EPB41L4A: variants seen among roughly 807,000 people sequenced by gnomAD.
EPB41L4A encodes erythrocyte membrane protein band 4.1 like 4A.
EPB41L4A carries 100 observed loss-of-function variants against 108.6 expected under a neutral mutation model. The ratio of observed to expected loss-of-function variants is 0.92; its 90% CI spans 0.78 to 1.09. The LOEUF (loss-of-function observed/expected upper bound fraction) is 1.09. EPB41L4A is among the 50% of genes least tolerant of loss of function. The probability of loss-of-function intolerance (pLI) is 0.00; values close to 1 mark genes in which losing one functional copy is unlikely to be tolerated. For missense variants in EPB41L4A, 1,030 were observed against 842.7 expected (o/e 1.22, Z -2.75); for synonymous variants, 319 against 289.0 (o/e 1.10, Z -1.05).
intron 2 of EPB41L4A, among the ~76,000 whole-genome samples, chr5:112,292,550 T>C (rs930341390): frequency 1.3e-5 from 2 of 152,074 alleles, no homozygotes; most frequent in Non-Finnish European, 1.5e-5. Context: ...TCCAAGAACA[T>C]CTCTCTTATT....
chr5:112,402,714 G>C (rs1443326427), intron 1 of EPB41L4A, among the ~76,000 whole-genome samples: 1 of 152,150 alleles, frequency 6.6e-6, no homozygotes, highest in African/African-American at 2.4e-5. Context: ...CAGATGGGAA[G>C]CATTTCAAAA....
At chr5:112,392,445 C>A (rs1761016569) in intron 1 of EPB41L4A, among the ~76,000 whole-genome samples, 1 of 143,372 alleles carries the variant, frequency 7.0e-6, no homozygotes, top group African/African-American at 2.6e-5. Context: ...CAATCCTAGT[C>A]TCTAATAAAA....
At chr5:112,153,780 G>C (rs1441047125) in intron 12 of EPB41L4A, among the ~76,000 whole-genome samples, 2 of 151,076 alleles carry the variant, frequency 1.3e-5, no homozygotes, top group African/African-American at 4.8e-5. Flanking sequence ...TACAAGTAGA[G>C]ACCACAGAAT....
chr5:112,265,616 ATTATT>A (rs1751792858), intron 5 of EPB41L4A, among the ~76,000 whole-genome samples: 1 of 152,180 alleles, frequency 6.6e-6, no homozygotes, highest in Non-Finnish European at 1.5e-5. Flanking sequence ...TTTCTTCTAG[ATTATT>A]TTTAGTCTGC....
At chr5:112,149,528 A>C (rs993843661) in intron 12 of EPB41L4A, among the ~76,000 whole-genome samples, 4 of 152,196 alleles carry the variant, frequency 2.6e-5, no homozygotes, top group Non-Finnish European at 4.4e-5. Flanking sequence ...TTTGGAAAGA[A>C]TTGTTACGTT....
intron 12 of EPB41L4A, among the ~76,000 whole-genome samples, chr5:112,226,165 G>A (rs968546006): frequency 6.6e-6 from 1 of 152,140 alleles, no homozygotes; most frequent in African/African-American, 2.4e-5. Context: ...CAGAGGCTGG[G>A]GAACATATAT....
rs749727476 is a variant in EPB41L4A, at chr5:112,183,997, A to AT, written c.1622+18dup. 1.2e-6 allele frequency: 2 copies of AT among 1,613,674 alleles called. No homozygotes were observed. The highest frequency in any genetic ancestry group is 3.3e-5 in the Admixed American group (2 of 59,974). ...AAATTCAGTGTTTTTGAATCAAGGT[A>AT]TAAAAAGAGTCCACATACGAACGAG... On this transcript the variant is annotated intron_variant, in intron 18 of 22. Transcript: ENST00000261486.
intron 9 of EPB41L4A, among the ~76,000 whole-genome samples, chr5:112,250,299 T>G (rs992665134): frequency 6.6e-6 from 1 of 152,168 alleles, no homozygotes; most frequent in Non-Finnish European, 1.5e-5. Context: ...AATATTTACA[T>G]CGTATTCCAG....
At chr5:112,365,571 C>A (rs116138220) in intron 1 of EPB41L4A, among the ~76,000 whole-genome samples, 1,966 of 152,270 alleles carry the variant, frequency 0.013, 38 homozygotes, top group African/African-American at 0.045. Context: ...CACCCAGCCT[C>A]CTCTATTAAT....
chr5:112,193,080 T>A (rs1030822576), intron 17 of EPB41L4A, among the ~76,000 whole-genome samples: 1 of 152,156 alleles, frequency 6.6e-6, no homozygotes, highest in African/African-American at 2.4e-5. Flanking sequence ...CACATTGAGA[T>A]CTCCCATCTG....
At chr5:112,312,896 AG>A (rs2150593843) in intron 1 of EPB41L4A, among the ~76,000 whole-genome samples, 1 of 152,350 alleles carries the variant, frequency 6.6e-6, no homozygotes, top group East Asian at 1.9e-4. Context: ...CTTTGAATAA[AG>A]AAATGAAGAA....
chr5:112,180,778 T>TG (rs1166297612), intron 18 of EPB41L4A, among the ~76,000 whole-genome samples: 3 of 152,030 alleles, frequency 2.0e-5, no homozygotes, highest in African/African-American at 7.2e-5. Context: ...AACCACAGCC[T>TG]GGGAGAAAGT....
At chr5:112,298,733 T>C (rs2150557595) in intron 2 of EPB41L4A, among the ~76,000 whole-genome samples, 1 of 152,338 alleles carries the variant, frequency 6.6e-6, no homozygotes, top group Non-Finnish European at 1.5e-5. Flanking sequence ...TATTAATTCT[T>C]CTTTGAATGT....
intron 2 of EPB41L4A, among the ~76,000 whole-genome samples, chr5:112,299,477 T>C (rs1466685496): frequency 1.3e-5 from 2 of 152,192 alleles, no homozygotes; most frequent in Non-Finnish European, 2.9e-5. Context: ...GAAAGTTCCA[T>C]GCACTGATGA....
chr5:112,211,044 A>G (rs1300325770), intron 12 of EPB41L4A, among the ~76,000 whole-genome samples: 5 of 152,134 alleles, frequency 3.3e-5, no homozygotes, highest in South Asian at 4.1e-4. Context: ...CTTCACATCT[A>G]TTTACTCATG....
chr5:112,365,782 G>C (rs994606192), intron 1 of EPB41L4A, among the ~76,000 whole-genome samples: 1 of 152,130 alleles, frequency 6.6e-6, no homozygotes, highest in Non-Finnish European at 1.5e-5. Context: ...CTTCCCTTGA[G>C]TTTGATGACC....
At chr5:112,324,996 G>A (rs1459882422) in intron 1 of EPB41L4A, among the ~76,000 whole-genome samples, 1 of 152,144 alleles carries the variant, frequency 6.6e-6, no homozygotes, top group Non-Finnish European at 1.5e-5. Context: ...CACTTAGGAA[G>A]AATCTATTCT....
intron 12 of EPB41L4A, among the ~76,000 whole-genome samples, chr5:112,226,279 G>C (rs1217016294): frequency 6.6e-6 from 1 of 152,194 alleles, no homozygotes; most frequent in African/African-American, 2.4e-5. Context: ...TAGAAGTGAC[G>C]TATTTGATCT....
chr5:112,240,926 T>C (rs1749739308), intron 9 of EPB41L4A, 116 bp from the exon 10 acceptor site: 2 of 594,774 alleles, frequency 3.4e-6, no homozygotes. Context: ...ATTGATAATA[T>C]ATAAATAATA....
Sources: gnomAD v4.1 joint callset for allele counts (sites outside exome capture counted in the v4.1 genomes callset) on GRCh38, gnomAD v4.1.1 for gene constraint, MANE v1.5 for transcripts, NCBI Gene and HGNC (gene_info 2026-07-23, HGNC 2026-07-21) for gene names.